The following TMEM232 variants were observed in gnomAD, a reference collection of about 807,000 sequenced individuals.
The protein encoded by TMEM232 is transmembrane protein 232.
A neutral mutation model predicts 78.8 loss-of-function variants in TMEM232; 80 were observed. That is an observed-to-expected ratio of 1.01 (90% CI 0.85 to 1.22). The LOEUF is 1.22. Among genes scored for constraint, TMEM232 ranks in the 50% most tolerant of loss-of-function variants. The probability of loss-of-function intolerance (pLI) is 0.00; values close to 1 mark genes in which losing one functional copy is unlikely to be tolerated. For synonymous variants in TMEM232, 297 were observed against 254.3 expected (o/e 1.17, Z -1.60); for missense variants, 881 against 742.2 (o/e 1.19, Z -2.17).
chr5:110,531,107 C>A (rs1180590640), intron 11 of TMEM232, among the ~76,000 whole-genome samples: 1 of 152,156 alleles, frequency 6.6e-6, no homozygotes, highest in Non-Finnish European at 1.5e-5. Context: ...CCTGGCTCAT[C>A]CTGGCTCAAA....
intron 5 of TMEM232, among the ~76,000 whole-genome samples, chr5:110,636,727 G>T (rs1785892024): frequency 6.6e-6 from 1 of 151,942 alleles, no homozygotes; most frequent in South Asian, 2.1e-4. Flanking sequence ...TAGAATATGT[G>T]AAATCATGAA....
At chr5:110,433,500 G>A (rs1054501175) in intron 12 of TMEM232, among the ~76,000 whole-genome samples, 2 of 151,686 alleles carry the variant, frequency 1.3e-5, no homozygotes, top group East Asian at 1.9e-4. Flanking sequence ...ATTGCTAAAT[G>A]CCTACATCAA....
intron 8 of TMEM232, among the ~76,000 whole-genome samples, chr5:110,606,670 T>C (rs1050588708): frequency 6.6e-5 from 10 of 151,624 alleles, no homozygotes; most frequent in South Asian, 2.1e-4. Flanking sequence ...AAGAGAGTGT[T>C]TTCTTCTCAA....
chr5:110,733,776 C>A (rs1561586431), intron 2 of TMEM232, among the ~76,000 whole-genome samples: 2 of 152,116 alleles, frequency 1.3e-5, no homozygotes, highest in South Asian at 2.1e-4. Flanking sequence ...GTACAACAAA[C>A]CCCTGTGACA....
intron 11 of TMEM232, among the ~76,000 whole-genome samples, chr5:110,537,190 A>G (rs1423375500): frequency 6.6e-6 from 1 of 151,860 alleles, no homozygotes; most frequent in Non-Finnish European, 1.5e-5. Context: ...ACTATGGACA[A>G]CCCTCCATCT....
intron 1 of TMEM232, among the ~76,000 whole-genome samples, chr5:110,718,812 A>G (rs1035785408): frequency 5.3e-5 from 8 of 151,544 alleles, no homozygotes; most frequent in Non-Finnish European, 1.0e-4. Flanking sequence ...TTTTCTTTGG[A>G]TGCACTCAAC....
intron 2 of TMEM232, among the ~76,000 whole-genome samples, chr5:110,651,906 C>T (rs1788365243): frequency 6.6e-6 from 1 of 152,126 alleles, no homozygotes; most frequent in African/African-American, 2.4e-5. Context: ...ATGTACCCGC[C>T]TTATATTCCC....
At chr5:110,652,294 G>GCGCACACACACACACA (rs1554069154) in intron 2 of TMEM232, among the ~76,000 whole-genome samples, 3,278 of 145,416 alleles carry the variant, frequency 0.023, 88 homozygotes, top group East Asian at 0.15. Context: ...GCACGCGCGC[G>GCGCACACACACACACA]CACACACACA....
Position 110,579,719 on chromosome 5 carries a change from A to C in TMEM232, c.1277-11094T>G, listed in dbSNP as rs114225465. 5.6e-3 allele frequency among the ~76,000 whole-genome samples: 844 copies of C among 151,180 alleles called. 7 individuals carry two copies. Among genetic ancestry groups the C allele is most frequent in the African/African-American group, 0.019 (798 of 41,426 alleles). ...AAGGAATCAAGGCATGCAAATAACA[A>C]ACACAAACACATACACACACACACA... On this transcript the variant is annotated intron_variant, in intron 10 of 13. Coordinates refer to ENST00000455884, the MANE Select transcript of TMEM232 (RefSeq NM_001039763.4).
At chr5:110,727,740 G>A (rs1009319305), upstream of TMEM232, among the ~76,000 whole-genome samples, 1 of 151,932 alleles carries the variant, frequency 6.6e-6, no homozygotes, top group East Asian at 1.9e-4. Flanking sequence ...TTTGTTTTTT[G>A]AGTGCATTTT....
At chr5:110,735,899 T>A (rs1204215789) in intron 1 of TMEM232, among the ~76,000 whole-genome samples, 2 of 152,178 alleles carry the variant, frequency 1.3e-5, no homozygotes, top group Non-Finnish European at 2.9e-5. Context: ...TCAAACTCAG[T>A]CATGTCTAAA....
chr5:110,535,072 C>T (rs116642357), intron 11 of TMEM232, among the ~76,000 whole-genome samples: 4,672 of 152,180 alleles, frequency 0.031, 83 homozygotes, highest in African/African-American at 0.053. Flanking sequence ...TGTCCCAACA[C>T]TTTACCACTA....
At chr5:110,461,933 C>G (rs989670456) in intron 12 of TMEM232, among the ~76,000 whole-genome samples, 2 of 152,136 alleles carry the variant, frequency 1.3e-5, no homozygotes, top group African/African-American at 4.8e-5. Context: ...GACAATGCAC[C>G]TAGTTATCCA....
In TMEM232 at chr5:110,672,186, A is replaced by T. The variant is rs187535956; in HGVS notation, c.-12-4822T>A. Among the ~76,000 whole-genome samples, 4 of 152,288 alleles carry T rather than the reference A, an allele frequency of 2.6e-5. No homozygotes were observed. The East Asian group carries it at 7.7e-4, about 29-fold the overall frequency. ...TTAGTAATATTTTTTGAGTTTCAAG[A>T]AGTTAGAGACTATTTTAAACATTAT... On this transcript the variant is annotated intron_variant, in intron 1 of 13. Coordinates refer to ENST00000455884, the MANE Select transcript of TMEM232 (RefSeq NM_001039763.4).
chr5:110,465,809 C>G (rs1225036938), intron 12 of TMEM232, among the ~76,000 whole-genome samples: 1 of 152,136 alleles, frequency 6.6e-6, no homozygotes, highest in Non-Finnish European at 1.5e-5. Flanking sequence ...CTACTCACCA[C>G]TCCCAATTGG....
chr5:110,481,715 T>C (rs1157523079), intron 12 of TMEM232, among the ~76,000 whole-genome samples: 3 of 152,188 alleles, frequency 2.0e-5, no homozygotes, highest in African/African-American at 7.2e-5. Context: ...TTAGAGCTAG[T>C]GTTTGAGACA....
chr5:110,577,172 C>A (rs1337810831), intron 10 of TMEM232, among the ~76,000 whole-genome samples: 1 of 151,570 alleles, frequency 6.6e-6, no homozygotes, highest in East Asian at 1.9e-4. Context: ...GAAAATTAAA[C>A]AAATTTACAA....
intron 1 of TMEM232, among the ~76,000 whole-genome samples, chr5:110,687,602 T>C (rs1793576032): frequency 6.6e-6 from 1 of 152,168 alleles, no homozygotes; most frequent in Non-Finnish European, 1.5e-5. Flanking sequence ...GGTTTGAGTA[T>C]ATGCTTTATA....
chr5:110,726,108 T>TCACACACAAACACACACACACACA (rs1798124700), intron 1 of TMEM232, among the ~76,000 whole-genome samples: 1 of 144,550 alleles, frequency 6.9e-6, no homozygotes, highest in African/African-American at 2.6e-5. Context: ...CCTCTCTCTT[T>TCACACACAAACACACACACACACA]CACACACACA....
Sources: allele counts gnomAD v4.1 joint callset (sites outside exome capture counted in the v4.1 genomes callset), GRCh38; gene constraint gnomAD v4.1.1; transcripts MANE v1.5; gene names NCBI Gene and HGNC (gene_info 2026-07-23, HGNC 2026-07-21).